CHN2: variants seen among roughly 807,000 people sequenced by gnomAD.
CHN2 encodes chimerin 2.
Under a neutral mutation model 56.3 loss-of-function variants are expected in CHN2, and 35 were observed. That is an observed-to-expected ratio of 0.62 (90% CI 0.47 to 0.82). The LOEUF is 0.82. Ranked by LOEUF, CHN2 falls within the 40% of genes least tolerant of loss-of-function variation. The pLI, the probability that CHN2 is intolerant of heterozygous loss-of-function variation, is 0.00. For missense variants in CHN2, 491 were observed against 580.5 expected, an observed-to-expected ratio of 0.85 and a Z score of 1.58; for synonymous variants, 210 against 212.8, an observed-to-expected ratio of 0.99 and a Z score of 0.12.
chr7:29,484,303 A>G (rs1436395027), intron 7 of CHN2, among the ~76,000 whole-genome samples: 1 of 152,240 alleles, frequency 6.6e-6, no homozygotes, highest in Non-Finnish European at 1.5e-5. Context: ...TTTAAAAAGT[A>G]CTTTCTATTA....
chr7:29,480,478 A>G (rs1787073467), intron 7 of CHN2, 122 bp downstream of exon 7: 5 of 1,055,300 alleles, frequency 4.7e-6, no homozygotes, highest in Non-Finnish European at 7.0e-6. Context: ...TGCTTTCCAC[A>G]TTTAGCTATA....
intron 1 of CHN2, among the ~76,000 whole-genome samples, chr7:29,349,846 C>T (rs1040785262): frequency 1.3e-5 from 2 of 152,134 alleles, no homozygotes; most frequent in African/African-American, 4.8e-5. Context: ...TCTACTTCCT[C>T]CCCTTTCGTT....
chr7:29,275,594 T>C (rs1791128813), intron 1 of CHN2, among the ~76,000 whole-genome samples: 1 of 152,238 alleles, frequency 6.6e-6, no homozygotes, highest in South Asian at 2.1e-4. Context: ...AGTGTTTATC[T>C]CATGCCAGCA....
Position 29,512,811 on chromosome 7 carries a change from C to A in CHN2, c.*76C>A. 2.0e-6 allele frequency: 3 copies of A among 1,474,734 alleles called. No individual in the cohort carries two copies. The highest frequency in any genetic ancestry group is 2.7e-6 in the Non-Finnish European group (3 of 1,091,288). 91.4% of individuals were successfully genotyped at this position (1,474,734 alleles called of 1,614,324 possible). On this transcript the variant is annotated 3_prime_UTR_variant, in exon 13 of 13. Coordinates refer to ENST00000222792, the MANE Select transcript of CHN2 (RefSeq NM_004067.4). ...GCTAAAGGAATAAAAACATTTCTTA[C>A]CACTTGATTTGTTTTCCAAGCAAGT...
At chr7:29,371,314 A>G (rs1799593403) in intron 3 of CHN2, among the ~76,000 whole-genome samples, 1 of 152,242 alleles carries the variant, frequency 6.6e-6, no homozygotes, top group South Asian at 2.1e-4. Flanking sequence ...GCAGCTGAAC[A>G]ACAGCTCTGG....
chr7:29,431,877 G>A (rs1456404317), intron 6 of CHN2, among the ~76,000 whole-genome samples: 1 of 152,220 alleles, frequency 6.6e-6, no homozygotes, highest in African/African-American at 2.4e-5. Flanking sequence ...AGATGGTCCT[G>A]ATGGCCTGAT....
chr7:29,212,494 C>T (rs1482680906), intron 1 of CHN2: 2 of 1,578,988 alleles, frequency 1.3e-6, no homozygotes, highest in Non-Finnish European at 1.7e-6. Context: ...TTCAGGACAG[C>T]CCTGATTCTT....
At chr7:29,435,216 G>A (rs924612299) in intron 6 of CHN2, among the ~76,000 whole-genome samples, 7 of 152,196 alleles carry the variant, frequency 4.6e-5, no homozygotes, top group Admixed American at 3.9e-4. Context: ...CCAAATGAGA[G>A]AAACCAAAAG....
chr7:29,207,043 A>G (rs1784569017), intron 1 of CHN2, among the ~76,000 whole-genome samples: 1 of 152,244 alleles, frequency 6.6e-6, no homozygotes, highest in Admixed American at 6.5e-5. Flanking sequence ...ATAGTTACAC[A>G]TATCTGTGAA....
chr7:29,462,127 C>T (rs371730901), intron 6 of CHN2, among the ~76,000 whole-genome samples: 29 of 152,112 alleles, frequency 1.9e-4, no homozygotes, highest in African/African-American at 5.8e-4. Context: ...ATGCATTCTG[C>T]GTAAAACTTA....
intron 5 of CHN2, 75 bp downstream of exon 5, chr7:29,398,561 G>A (rs1801949053): frequency 3.3e-6 from 3 of 917,358 alleles, no homozygotes; most frequent in Admixed American, 1.8e-5. Context: ...TTTAAGAATT[G>A]TAGCAGAGTA....
intron 6 of CHN2, among the ~76,000 whole-genome samples, chr7:29,461,586 A>G (rs1222391852): frequency 1.3e-5 from 2 of 152,230 alleles, no homozygotes; most frequent in Middle Eastern, 3.2e-3. Context: ...AGGGGCCTTC[A>G]TGTTTCATGT....
chr7:29,468,895 TTC>T (rs1785794975), intron 6 of CHN2, among the ~76,000 whole-genome samples: 1 of 152,144 alleles, frequency 6.6e-6, no homozygotes, highest in South Asian at 2.1e-4. Context: ...GTCTCTGCTC[TTC>T]TCTATCTGCA....
intron 2 of CHN2, among the ~76,000 whole-genome samples, chr7:29,160,139 C>T (rs1794979073): frequency 6.6e-6 from 1 of 152,082 alleles, no homozygotes; most frequent in African/African-American, 2.4e-5. Flanking sequence ...GTTTCCTGGC[C>T]CTCATAATAT....
intron 6 of CHN2, among the ~76,000 whole-genome samples, chr7:29,442,320 TA>T (rs1339671059): frequency 1.3e-5 from 2 of 152,168 alleles, no homozygotes; most frequent in Non-Finnish European, 2.9e-5. Flanking sequence ...TACAGTGGCC[TA>T]AAAGCTATAG....
upstream of CHN2, chr7:29,194,214 C>G (rs1319919306): frequency 7.0e-6 from 1 of 143,182 alleles, no homozygotes; most frequent in African/African-American, 2.5e-5. Context: ...CCATCCCCTT[C>G]AAATCCTAGG....
chr7:29,325,392 A>G (rs1038931282), intron 1 of CHN2, among the ~76,000 whole-genome samples: 3 of 152,162 alleles, frequency 2.0e-5, no homozygotes, highest in Non-Finnish European at 4.4e-5. Context: ...GTCCTTGGCA[A>G]TCCAAAGGCA....
At chr7:29,156,089 T>C (rs1339736915) in intron 2 of CHN2, among the ~76,000 whole-genome samples, 1 of 152,216 alleles carries the variant, frequency 6.6e-6, no homozygotes, top group Non-Finnish European at 1.5e-5. Flanking sequence ...AGGGAAGAGT[T>C]AATGTGTGCA....
chr7:29,502,711 A>G (rs1054282045), intron 9 of CHN2, among the ~76,000 whole-genome samples: 1 of 152,068 alleles, frequency 6.6e-6, no homozygotes, highest in African/African-American at 2.4e-5. Flanking sequence ...AATCCAAACC[A>G]TACAACTTGG....
Sources: allele counts gnomAD v4.1 joint callset (sites outside exome capture counted in the v4.1 genomes callset), GRCh38; gene constraint gnomAD v4.1.1; transcripts MANE v1.5; gene names NCBI Gene and HGNC (gene_info 2026-07-23, HGNC 2026-07-21).